CDC42EP1: variants seen among roughly 807,000 people sequenced by gnomAD.
The protein encoded by CDC42EP1 is 55 kDa bone marrow stromal/endothelial cell protein.
Under a neutral mutation model 7.4 loss-of-function variants are expected in CDC42EP1, and 6 were observed. The ratio of observed to expected loss-of-function variants is 0.81; its 90% CI spans 0.44 to 1.60. The LOEUF (loss-of-function observed/expected upper bound fraction) is 1.60. Ranked by LOEUF, CDC42EP1 falls within the 40% of genes most tolerant of loss-of-function variation. The pLI is 0.01. For missense variants in CDC42EP1, 567 were observed against 539.0 expected (o/e 1.05, Z -0.51); for synonymous variants, 238 against 227.1 (o/e 1.05, Z -0.43).
intron 1 of CDC42EP1, among the ~76,000 whole-genome samples, chr22:37,560,791 C>T (rs1302084210): frequency 6.6e-6 from 1 of 151,956 alleles, no homozygotes; most frequent in Non-Finnish European, 1.5e-5. Context: ...TTTCGGGCTT[C>T]GTGTCCCGTT....
chr22:37,566,550 C>T lies in CDC42EP1; in HGVS notation c.201C>T (p.His67=), dbSNP rs73418177. ...VFGDTSFLSN[H]GGSSGSTHRS... ...GGGACACGTCCTTCCTCAGCAACCACGGTGGCAGCTCCGGGAGCACCCATC... is the reference window on the plus strand; with the variant it reads ...GGGACACGTCCTTCCTCAGCAACCATGGTGGCAGCTCCGGGAGCACCCATC... Residue 67 remains histidine (H), a synonymous_variant, in exon 2 of 3, where the codon CAC becomes CAT. Transcript: ENST00000249014. The surrounding 1 kb of genome is among the most constrained non-coding windows in gnomAD (Gnocchi z 6.4). 2.6e-3 allele frequency: 4,220 copies of T among 1,608,742 alleles called. 90 individuals are homozygous for T. In the African/African-American group the frequency reaches 0.05, roughly 19 times the overall value.
intron 1 of CDC42EP1, among the ~76,000 whole-genome samples, chr22:37,561,020 G>T (rs1245421656): frequency 6.6e-6 from 1 of 152,080 alleles, no homozygotes; most frequent in Admixed American, 6.5e-5. Flanking sequence ...CGGGGAGATG[G>T]ACAGGCACCC....
At chr22:37,562,591 C>T (rs547442039) in intron 1 of CDC42EP1, among the ~76,000 whole-genome samples, 6 of 152,288 alleles carry the variant, frequency 3.9e-5, no homozygotes, top group South Asian at 2.1e-4. Flanking sequence ...ATGGGAAGAC[C>T]GGGTCCCAAT....
At chr22:37,561,046 C>T (rs1390453541) in intron 1 of CDC42EP1, among the ~76,000 whole-genome samples, 2 of 152,084 alleles carry the variant, frequency 1.3e-5, no homozygotes, top group Non-Finnish European at 2.9e-5. Flanking sequence ...CCCTCCCCGA[C>T]CGCCGCATTC....
In CDC42EP1 at chr22:37,561,874, C is replaced by T. The variant is rs922988864; in HGVS notation, c.-279+1286C>T. Reference sequence around the variant, plus strand: ...CCTTCAGACCCGCCCTTGGCCTCCCCGCGACCACATGTGCCTCCACAGCGA... The same window carrying T: ...CCTTCAGACCCGCCCTTGGCCTCCCTGCGACCACATGTGCCTCCACAGCGA... On this transcript the variant is annotated intron_variant, in intron 1 of 2. Transcript: ENST00000249014. 2.0e-4 allele frequency among the ~76,000 whole-genome samples: 30 copies of T among 152,338 alleles called. 1 individual carries two copies. The highest frequency in any genetic ancestry group is 7.2e-4 in the African/African-American group (30 of 41,584).
rs1388196766 is a variant in CDC42EP1 at position 37,568,326 on chromosome 22, GCTGCAAACCCCCCAGCCCCTA to G, written c.694_714del (p.Pro232_Pro238del). ...CCCTGCAGCTGAGACTCCAGCCCCCGCTGCAAACCCCCCAGCCCCTACTGCAAACCCCACGGGTCCTGCTGC... is the reference window on the plus strand; with the variant it reads ...CCCTGCAGCTGAGACTCCAGCCCCCGCTGCAAACCCCACGGGTCCTGCTGC... On this transcript the variant is annotated inframe_deletion, in exon 3 of 3. Coordinates refer to ENST00000249014, the MANE Select transcript of CDC42EP1 (RefSeq NM_152243.3). The G allele has an allele frequency of 2.5e-6, 4 of 1,602,064 alleles. No homozygotes were observed. The highest frequency in any genetic ancestry group is 1.7e-5 in the Admixed American group (1 of 59,246).
rs1175530774 is a variant in CDC42EP1 at position 37,568,517 on chromosome 22, A to G, written c.873A>G (p.Thr291=). The G allele has an allele frequency of 6.2e-7, 1 of 1,609,774 alleles. No homozygotes were observed. Among genetic ancestry groups the G allele is most frequent in the Non-Finnish European group, 8.5e-7 (1 of 1,178,182 alleles). ...TPHGHCPNGV[T]AGLGPVAEVK... ...ATGGACACTGTCCCAATGGGGTAAC[A>G]GCTGGGTTGGGCCCAGTGGCTGAGG... Residue 291 remains threonine (T), a synonymous_variant, in exon 3 of 3, where the codon ACA becomes ACG. Coordinates refer to ENST00000249014, the MANE Select transcript of CDC42EP1 (RefSeq NM_152243.3).
chr22:37,565,225 T>C (rs1925188484), intron 1 of CDC42EP1, among the ~76,000 whole-genome samples: 1 of 145,436 alleles, frequency 6.9e-6, no homozygotes, highest in African/African-American at 2.5e-5. Flanking sequence ...TCTTGCTCTG[T>C]CTCCCAGACT....
chr22:37,567,697 C>T (rs139509554), intron 2 of CDC42EP1, among the ~76,000 whole-genome samples: 52 of 152,338 alleles, frequency 3.4e-4, no homozygotes, highest in Middle Eastern at 3.4e-3. Context: ...AACCAGCTCA[C>T]GTGCTATGGG....
rs1230194880 is a variant in CDC42EP1 at position 37,560,511 on chromosome 22, C to T, written c.-356C>T. The T allele has an allele frequency of 6.7e-6, 1 of 149,712 alleles. No individual in the cohort carries two copies. The highest frequency in any genetic ancestry group is 1.5e-5 in the Non-Finnish European group (1 of 67,044). 9.3% of individuals were successfully genotyped at this position (149,712 alleles called of 1,614,324 possible). ...CGGCCCAGCGACTCTCCCGGGCTGC[C>T]AGCCGGGACGCGCGGCCGCCGCCGC... On this transcript the variant is annotated 5_prime_UTR_variant, in exon 1 of 3. Transcript: ENST00000249014.
At chr22:37,563,257 A>C (rs1925111529) in intron 1 of CDC42EP1, among the ~76,000 whole-genome samples, 1 of 152,216 alleles carries the variant, frequency 6.6e-6, no homozygotes, top group Admixed American at 6.5e-5. Context: ...CCTGCTGAGC[A>C]GGGAAACTTG....
chr22:37,568,717 G>A lies in CDC42EP1; in HGVS notation c.1073G>A (p.Trp358Ter), dbSNP rs1454955984. 6.5e-7 allele frequency: 1 copy of A among 1,529,106 alleles called. No homozygotes were observed. The highest frequency in any genetic ancestry group is 8.8e-7 in the Non-Finnish European group (1 of 1,139,318). The allele number at this position is 1,529,106 out of a possible 1,614,324, so 94.7% of individuals were successfully genotyped here. A position where few individuals can be genotyped will look rare whatever the true frequency, so the allele number is the denominator to read the frequency against. Reference protein sequence around the residue: ...RASWESLDEEWRAPQAGSRTP... With the variant: ...RASWESLDEE ...TCCTGGGAGAGCCTGGACGAAGAGT[G>A]GAGGGCGCCCCAGGCAGGCAGCAGG... The change falls in exon 3 of 3, where the codon TGG (tryptophan) becomes TAG (stop). Residue 358 changes from tryptophan (W) to a stop codon, truncating the protein, a stop_gained. Transcript: ENST00000249014. LOFTEE classifies it high-confidence loss of function.
At position 37,566,711 on chromosome 22, in the gene CDC42EP1, C is replaced by T; in HGVS notation, c.362C>T (p.Ser121Phe). 1 of 1,612,672 alleles carries T rather than the reference C, an allele frequency of 6.2e-7. No individual in the cohort carries two copies. Among genetic ancestry groups the T allele is most frequent in the Non-Finnish European group, 8.5e-7 (1 of 1,179,230 alleles). The change falls in exon 2 of 3, where the codon TCC becomes TTC. Residue 121 changes from serine (S) to phenylalanine (F), a missense_variant. Coordinates refer to ENST00000249014, the MANE Select transcript of CDC42EP1 (RefSeq NM_152243.3). This position sits in a 1 kb window ranked among gnomAD's most constrained non-coding sequence, Gnocchi z 6.4. ...TCCCCCATCATCAAGAACGCCATCT[C>T]CCTGCCCCAGCTCAACCAGGCCGCC... ...AISPIIKNAI[S>F]LPQLNQAAYD...
Position 37,566,321 on chromosome 22 carries a change from G to A in CDC42EP1, c.-29G>A. The A allele has an allele frequency of 3.4e-6, 4 of 1,188,462 alleles. No individual in the cohort carries two copies. The highest frequency in any genetic ancestry group is 4.5e-6 in the Non-Finnish European group (4 of 886,616). The allele number at this position is 1,188,462 out of a possible 1,614,324, so 73.6% of individuals were successfully genotyped here. A position where few individuals can be genotyped will look rare whatever the true frequency, so the allele number is the denominator to read the frequency against. On this transcript the variant is annotated 5_prime_UTR_variant, in exon 2 of 3. It removes an upstream start codon present in the reference 5' UTR. Coordinates refer to ENST00000249014, the MANE Select transcript of CDC42EP1 (RefSeq NM_152243.3). The surrounding 1 kb of genome is among the most constrained non-coding windows in gnomAD (Gnocchi z 6.4). The stretch of plus-strand genomic sequence containing the variant: ...CCCTCCCCCGGCCCCTGGTAGGCAT[G>A]GACTAGCAGCTGTGAGCAGCCAGAG...
chr22:37,565,567 G>GTTTTT lies in CDC42EP1; in HGVS notation c.-278-480_-278-476dup, dbSNP rs10588992. 1.1e-4 allele frequency: 9 copies of GTTTTT among 80,926 alleles called. 1 individual carries two copies. Among genetic ancestry groups the GTTTTT allele is most frequent in the Non-Finnish European group, 1.6e-4 (7 of 43,990 alleles). The allele number at this position is 80,926 out of a possible 1,614,324, so 5.0% of individuals were successfully genotyped here. On this transcript the variant is annotated intron_variant, in intron 1 of 2. Coordinates refer to ENST00000249014, the MANE Select transcript of CDC42EP1 (RefSeq NM_152243.3). Reference sequence around the variant, plus strand: ...GTTTTGCCTGTTACTGAACTTCCTTGTTTTTTTTTTTTTTTTTTTTTTTTT... The same window carrying GTTTTT: ...GTTTTGCCTGTTACTGAACTTCCTTGTTTTTTTTTTTTTTTTTTTTTTTTTTTTTT...
Position 37,566,880 on chromosome 22 carries a change from C to T in CDC42EP1, c.463+68C>T, listed in dbSNP as rs1925269313. On this transcript the variant is annotated intron_variant, in intron 2 of 2. Transcript: ENST00000249014. The surrounding 1 kb of genome is among the most constrained non-coding windows in gnomAD (Gnocchi z 6.4). ...GCTGAGGCCCAGAGGGGTTCAGTGG[C>T]TCCTCCAAGCTCCAAGTGAGCTCCA... is the stretch of plus-strand genomic sequence containing the variant. 1 of 1,179,360 alleles carries T rather than the reference C, an allele frequency of 8.5e-7. No homozygotes were observed. Among genetic ancestry groups the T allele is most frequent in the Middle Eastern group, 2.0e-4 (1 of 4,898 alleles). 73.1% of individuals were successfully genotyped at this position (1,179,360 alleles called of 1,614,324 possible).
chr22:37,565,182 TTC>T (rs1925184821), intron 1 of CDC42EP1, among the ~76,000 whole-genome samples: 1 of 140,114 alleles, frequency 7.1e-6, no homozygotes, highest in African/African-American at 2.6e-5. Context: ...TCTTTTTTTT[TTC>T]CTTTTTTTTT....
chr22:37,566,834 G>A lies in CDC42EP1; in HGVS notation c.463+22G>A. 1.3e-6 allele frequency: 2 copies of A among 1,517,438 alleles called. No homozygotes were observed. The highest frequency in any genetic ancestry group is 1.8e-6 in the Non-Finnish European group (2 of 1,132,246). The allele number at this position is 1,517,438 out of a possible 1,614,324, so 94.0% of individuals were successfully genotyped here. A position where few individuals can be genotyped will look rare whatever the true frequency, so the allele number is the denominator to read the frequency against. On this transcript the variant is annotated intron_variant, in intron 2 of 2. Transcript: ENST00000249014. This position sits in a 1 kb window ranked among gnomAD's most constrained non-coding sequence, Gnocchi z 6.4. ...TACGGTGAGGGCCTGGGCCATCTTG[G>A]CCCACTTTTCAGAGGCTGAGGCTGA...
intron 1 of CDC42EP1, chr22:37,565,600 A>C (rs1232234771): frequency 2.4e-5 from 2 of 84,682 alleles, no homozygotes; most frequent in African/African-American, 9.7e-5. Context: ...TTTTTTTGAG[A>C]CGGAATGTTG....
Sources: gnomAD v4.1 joint callset for allele counts (sites outside exome capture counted in the v4.1 genomes callset) on GRCh38, gnomAD v4.1.1 for gene constraint, Gnocchi (gnomAD v3.1) non-coding constraint, MANE v1.5 for transcripts, NCBI Gene and HGNC (gene_info 2026-07-23, HGNC 2026-07-21) for gene names.